CDH12: variants seen among roughly 807,000 people sequenced by gnomAD.
CDH12 encodes the protein cadherin 12.
In CDH12, 41 loss-of-function variants were observed where a neutral mutation model predicts 74.1. The ratio of observed to expected loss-of-function variants is 0.55; its 90% CI spans 0.43 to 0.72. The LOEUF is 0.72. CDH12 is among the 30% of genes least tolerant of loss of function. The probability of loss-of-function intolerance (pLI) is 0.00; values close to 1 mark genes in which losing one functional copy is unlikely to be tolerated. For missense variants in CDH12, 945 were observed against 977.2 expected, an observed-to-expected ratio of 0.97 and a Z score of 0.44; for synonymous variants, 399 against 355.0, an observed-to-expected ratio of 1.12 and a Z score of -1.39.
chr5:21,870,072 T>C (rs1751536931), intron 6 of CDH12, among the ~76,000 whole-genome samples: 1 of 152,180 alleles, frequency 6.6e-6, no homozygotes, highest in South Asian at 2.1e-4. Context: ...CTTTTGCGTC[T>C]TCCTCATTCT....
At position 22,706,958 on chromosome 5, in the gene CDH12, C is replaced by A. The variant is rs569574071; in HGVS notation, c.-523+146100G>T. On this transcript the variant is annotated intron_variant, in intron 1 of 14. Coordinates refer to ENST00000382254, the MANE Select transcript of CDH12 (RefSeq NM_004061.5). ...AATTTACACCCAAACAAGACAGGCT[C>A]ATTTCAGAAATAACTCCCACATCTA... Among the ~76,000 whole-genome samples, 54 of 152,252 alleles carry A rather than the reference C, an allele frequency of 3.5e-4. 1 individual carries two copies. Among genetic ancestry groups the A allele is most frequent in the Admixed American group, 2.4e-3 (37 of 15,268 alleles).
At chr5:22,842,878 T>G (rs1165594181) in intron 1 of CDH12, among the ~76,000 whole-genome samples, 1 of 152,080 alleles carries the variant, frequency 6.6e-6, no homozygotes, top group Non-Finnish European at 1.5e-5. Context: ...CAACAAGCAA[T>G]AAGCCAAAGG....
intron 1 of CDH12, among the ~76,000 whole-genome samples, chr5:22,555,492 C>A (rs1284881521): frequency 6.6e-6 from 1 of 151,798 alleles, no homozygotes; most frequent in Non-Finnish European, 1.5e-5. Flanking sequence ...ATATTTTGTT[C>A]TTCCAGAAGG....
intron 2 of CDH12, among the ~76,000 whole-genome samples, chr5:22,479,230 T>C (rs1239380308): frequency 6.6e-6 from 1 of 152,250 alleles, no homozygotes; most frequent in African/African-American, 2.4e-5. Flanking sequence ...TGCCTTATGA[T>C]TTAAATCTAG....
chr5:22,209,418 T>C (rs1751404706), intron 4 of CDH12, among the ~76,000 whole-genome samples: 1 of 152,238 alleles, frequency 6.6e-6, no homozygotes, highest in Non-Finnish European at 1.5e-5. Flanking sequence ...CTACCTTTTC[T>C]AATATTGTGA....
At chr5:22,802,989 G>C (rs1044268869) in intron 1 of CDH12, among the ~76,000 whole-genome samples, 9 of 152,032 alleles carry the variant, frequency 5.9e-5, no homozygotes, top group Non-Finnish European at 1.2e-4. Flanking sequence ...GGGCATTAAA[G>C]CCCACTTAAC....
chr5:21,873,897 C>T (rs181760955), intron 6 of CDH12, among the ~76,000 whole-genome samples: 336 of 47,220 alleles, frequency 7.1e-3, no homozygotes, highest in Non-Finnish European at 0.011. Flanking sequence ...AGGATAATAG[C>T]TTCCAGCTTC....
At chr5:21,875,669 G>A (rs754649476) in intron 6 of CDH12, among the ~76,000 whole-genome samples, 5 of 8,884 alleles carry the variant, frequency 5.6e-4, no homozygotes, top group Non-Finnish European at 1.3e-3. Flanking sequence ...TTGTACTTCC[G>A]GAAGTACTGG....
chr5:22,529,831 C>T (rs563993283), intron 1 of CDH12, among the ~76,000 whole-genome samples: 8 of 152,068 alleles, frequency 5.3e-5, no homozygotes, highest in Non-Finnish European at 7.4e-5. Flanking sequence ...ATTTCAAAAA[C>T]ACCATTCAAT....
chr5:22,696,185 A>G (rs269020), intron 1 of CDH12, among the ~76,000 whole-genome samples: 112,358 of 151,766 alleles, frequency 0.74, 42,437 homozygotes, highest in African/African-American at 0.89. Flanking sequence ...TGGCTAACAC[A>G]ATGAAACCCA....
chr5:22,680,784 C>T (rs1271550680), intron 1 of CDH12, among the ~76,000 whole-genome samples: 2 of 149,016 alleles, frequency 1.3e-5, no homozygotes, highest in Admixed American at 6.6e-5. Flanking sequence ...TCTCTCTCTT[C>T]TCCATTGATT....
chr5:22,200,705 T>C (rs1750880343), intron 4 of CDH12, among the ~76,000 whole-genome samples: 1 of 152,220 alleles, frequency 6.6e-6, no homozygotes, highest in Admixed American at 6.5e-5. Context: ...CTTTTCAGAA[T>C]GTCATGAATT....
intron 5 of CDH12, among the ~76,000 whole-genome samples, chr5:22,004,806 C>T (rs969571757): frequency 2.6e-5 from 4 of 152,196 alleles, no homozygotes; most frequent in Non-Finnish European, 5.9e-5. Flanking sequence ...TCCCTCCTAT[C>T]CTCCCCACTT....
At chr5:21,876,300 A>G (rs571489306) in intron 6 of CDH12, among the ~76,000 whole-genome samples, 8 of 152,246 alleles carry the variant, frequency 5.3e-5, no homozygotes, top group African/African-American at 1.9e-4. Context: ...AGTCTCTGAT[A>G]ACTACTTAGC....
At chr5:22,249,425 C>G (rs1753063998) in intron 3 of CDH12, among the ~76,000 whole-genome samples, 1 of 152,126 alleles carries the variant, frequency 6.6e-6, no homozygotes, top group African/African-American at 2.4e-5. Context: ...ATAATGAAAG[C>G]AATGACAGAA....
At chr5:22,098,980 C>G (rs549303733) in intron 4 of CDH12, among the ~76,000 whole-genome samples, 12 of 152,244 alleles carry the variant, frequency 7.9e-5, no homozygotes, top group Middle Eastern at 3.4e-3. Context: ...ATCTGCTATT[C>G]TACTACTCCT....
At chr5:21,792,847 G>A (rs1480240558) in intron 10 of CDH12, among the ~76,000 whole-genome samples, 1 of 151,660 alleles carries the variant, frequency 6.6e-6, no homozygotes, top group African/African-American at 2.4e-5. Context: ...AGAAAATGAG[G>A]TTTAGACAAA....
chr5:22,275,408 C>A (rs1281129290), intron 3 of CDH12, among the ~76,000 whole-genome samples: 1 of 151,966 alleles, frequency 6.6e-6, no homozygotes, highest in East Asian at 1.9e-4. Context: ...AGAATCTACT[C>A]ACATTTAATT....
At chr5:22,482,860 G>A (rs1384694778) in intron 2 of CDH12, among the ~76,000 whole-genome samples, 4 of 152,222 alleles carry the variant, frequency 2.6e-5, no homozygotes, top group East Asian at 1.9e-4. Flanking sequence ...ATTGATAAAT[G>A]TCCATCATAA....
Sources: allele counts gnomAD v4.1 joint callset (sites outside exome capture counted in the v4.1 genomes callset), GRCh38; gene constraint gnomAD v4.1.1; transcripts MANE v1.5; gene names NCBI Gene and HGNC (gene_info 2026-07-23, HGNC 2026-07-21).